DOK5: variants seen among roughly 807,000 people sequenced by gnomAD.
The protein encoded by DOK5 is docking protein 5.
In DOK5, 27 loss-of-function variants were observed where a neutral mutation model predicts 43.3. That is an observed-to-expected ratio of 0.62 (90% CI 0.46 to 0.86). DOK5 has a LOEUF of 0.86. Among genes scored for constraint, DOK5 ranks in the 40% least tolerant of loss-of-function variants. DOK5 has a pLI of 0.00. For synonymous variants in DOK5, 146 were observed against 140.1 expected, an observed-to-expected ratio of 1.04 and a Z score of -0.30; for missense variants, 373 against 392.9, an observed-to-expected ratio of 0.95 and a Z score of 0.43.
intron 1 of DOK5, among the ~76,000 whole-genome samples, chr20:54,503,124 AC>A (rs1982673361): frequency 1.3e-5 from 2 of 152,142 alleles, no homozygotes; most frequent in Non-Finnish European, 2.9e-5. Context: ...TAAGTCAGTG[AC>A]TGGGTCTGGT....
Position 54,557,017 on chromosome 20 carries a change from C to T in DOK5, c.174+1977C>T, listed in dbSNP as rs140105339. Among the ~76,000 whole-genome samples, 134 of 152,316 alleles carry T rather than the reference C, an allele frequency of 8.8e-4. 3 individuals are homozygous for T. In the East Asian group the frequency reaches 0.016, roughly 18 times the overall value. ...TAGGAACTCCTCAAATCCCATCCAT[C>T]GGCAAATGGTGTTGGCTGTATGCTC... is the stretch of plus-strand genomic sequence containing the variant. On this transcript the variant is annotated intron_variant, in intron 2 of 7. Transcript: ENST00000262593.
chr20:54,585,764 A>C (rs1985782584), intron 2 of DOK5, among the ~76,000 whole-genome samples: 1 of 152,184 alleles, frequency 6.6e-6, no homozygotes, highest in Admixed American at 6.5e-5. Flanking sequence ...CTCATCTGTG[A>C]AAAAGGTGAT....
chr20:54,573,204 T>C lies in DOK5; in HGVS notation c.175-15279T>C, dbSNP rs950229551. Among the ~76,000 whole-genome samples the C allele has an allele frequency of 2.0e-5, 3 of 152,090 alleles. 1 individual carries two copies. The highest frequency in any genetic ancestry group is 4.1e-4 in the South Asian group (2 of 4,822). On this transcript the variant is annotated intron_variant, in intron 2 of 7. Transcript: ENST00000262593. ...AGGAATGGTCTCATTGAGAGGGTAA[T>C]ATGCAAGTCACTGATGGTAGGGTGA...
chr20:54,624,083 C>T (rs937244466), intron 6 of DOK5, among the ~76,000 whole-genome samples: 9 of 152,254 alleles, frequency 5.9e-5, no homozygotes, highest in African/African-American at 2.2e-4. Context: ...GAGGTAAGGC[C>T]CCTGTCTTCT....
At chr20:54,609,200 G>T (rs1020976032) in intron 5 of DOK5, among the ~76,000 whole-genome samples, 4 of 152,176 alleles carry the variant, frequency 2.6e-5, no homozygotes, top group African/African-American at 9.7e-5. Flanking sequence ...TTTAGGCTGA[G>T]AATTTGCTTA....
At chr20:54,539,279 CAAAAAAAAAAAAAAA>C (rs57981823) in intron 1 of DOK5, among the ~76,000 whole-genome samples, 4 of 44,730 alleles carry the variant, frequency 8.9e-5, no homozygotes, top group Non-Finnish European at 1.0e-4. Context: ...GCTCCATCTC[CAAAAAAAAAAAAAAA>C]AAAAAAAAAA....
intron 1 of DOK5, among the ~76,000 whole-genome samples, chr20:54,537,002 A>G (rs1420294037): frequency 6.6e-6 from 1 of 152,206 alleles, no homozygotes; most frequent in Admixed American, 6.5e-5. Flanking sequence ...GTGTCAGAGG[A>G]GACCTAATGG....
intron 1 of DOK5, among the ~76,000 whole-genome samples, chr20:54,527,955 C>T (rs1983634422): frequency 6.6e-6 from 1 of 152,076 alleles, no homozygotes; most frequent in Non-Finnish European, 1.5e-5. Context: ...GCCCGTAATC[C>T]CAGCATTTTG....
intron 6 of DOK5, among the ~76,000 whole-genome samples, chr20:54,633,777 G>T (rs1167807024): frequency 1.3e-5 from 2 of 152,180 alleles, no homozygotes. Context: ...ATGGAATTAG[G>T]TATTGAGGTA....
At chr20:54,644,722 A>C (rs6023455) in intron 7 of DOK5, among the ~76,000 whole-genome samples, 159 of 146,612 alleles carry the variant, frequency 1.1e-3, no homozygotes, top group Middle Eastern at 3.5e-3. Context: ...AAAAAAAAAA[A>C]AACAAAATTT....
At chr20:54,603,482 G>C (rs1986362485) in intron 5 of DOK5, among the ~76,000 whole-genome samples, 1 of 152,204 alleles carries the variant, frequency 6.6e-6, no homozygotes, top group Admixed American at 6.5e-5. Context: ...CTCGGACACT[G>C]CCTTGTATAG....
chr20:54,536,983 A>G (rs1036245849), intron 1 of DOK5, among the ~76,000 whole-genome samples: 3 of 152,174 alleles, frequency 2.0e-5, no homozygotes, highest in Non-Finnish European at 4.4e-5. Flanking sequence ...TTCCTTCCCC[A>G]CTAGGGTGGT....
intron 2 of DOK5, among the ~76,000 whole-genome samples, chr20:54,567,377 T>G (rs1568787407): frequency 1.3e-5 from 2 of 152,228 alleles, no homozygotes; most frequent in Non-Finnish European, 2.9e-5. Flanking sequence ...AAATGTGGAT[T>G]GAATTTAATT....
intron 5 of DOK5, among the ~76,000 whole-genome samples, chr20:54,605,447 G>A (rs1986441050): frequency 6.6e-6 from 1 of 152,204 alleles, no homozygotes; most frequent in African/African-American, 2.4e-5. Flanking sequence ...ATGCACACTT[G>A]TGCTCTGTCC....
intron 6 of DOK5, among the ~76,000 whole-genome samples, chr20:54,639,421 C>T (rs74319215): frequency 0.02 from 3,032 of 152,306 alleles, 50 homozygotes; most frequent in Middle Eastern, 0.051. Context: ...AACTATCCCC[C>T]AAAGTAACAA....
At chr20:54,504,073 G>A (rs1331655663) in intron 1 of DOK5, among the ~76,000 whole-genome samples, 2 of 152,170 alleles carry the variant, frequency 1.3e-5, no homozygotes, top group African/African-American at 4.8e-5. Context: ...GCGCATGAGT[G>A]AGAGTAGTGT....
At chr20:54,611,302 T>A (rs1986642852) in intron 6 of DOK5, among the ~76,000 whole-genome samples, 1 of 152,200 alleles carries the variant, frequency 6.6e-6, no homozygotes, top group Admixed American at 6.5e-5. Context: ...GGCTCACTCT[T>A]GTAATCCCAG....
At chr20:54,518,237 TA>T (rs1983268252) in intron 1 of DOK5, among the ~76,000 whole-genome samples, 2 of 152,270 alleles carry the variant, frequency 1.3e-5, no homozygotes, top group Non-Finnish European at 2.9e-5. Context: ...ACTCGTCATT[TA>T]ACATTAGGTA....
intron 6 of DOK5, among the ~76,000 whole-genome samples, chr20:54,625,751 A>T (rs1568817682): frequency 1.3e-5 from 2 of 152,304 alleles, no homozygotes; most frequent in South Asian, 4.2e-4. Context: ...CAGCAACCTG[A>T]GCTGTTATTA....
Sources: allele counts gnomAD v4.1 joint callset (sites outside exome capture counted in the v4.1 genomes callset), GRCh38; gene constraint gnomAD v4.1.1; transcripts MANE v1.5; gene names NCBI Gene and HGNC (gene_info 2026-07-23, HGNC 2026-07-21).